STARD13: variants seen among roughly 807,000 people sequenced by gnomAD.
The protein encoded by STARD13 is StAR related lipid transfer domain containing 13.
STARD13 carries 62 observed loss-of-function variants against 106.4 expected under a neutral mutation model. That is an observed-to-expected ratio of 0.58 (90% confidence interval 0.48 to 0.72). The LOEUF (loss-of-function observed/expected upper bound fraction) is 0.72, where lower values mean the gene tolerates loss of function less well. Among genes scored for constraint, STARD13 ranks in the 30% least tolerant of loss-of-function variants. The pLI, the probability that STARD13 is intolerant of heterozygous loss-of-function variation, is 0.00. For synonymous variants in STARD13, 565 were observed against 553.0 expected (o/e 1.02, Z -0.31); for missense variants, 1,387 against 1,424.0 (o/e 0.97, Z 0.42).
chr13:33,306,891 AGT>A (rs1321584633), intron 1 of STARD13, among the ~76,000 whole-genome samples: 1 of 152,186 alleles, frequency 6.6e-6, no homozygotes, highest in African/African-American at 2.4e-5. Flanking sequence ...TGGAGGTTGT[AGT>A]GCGCCAAGAT....
At chr13:33,395,606 C>G in the STARD13 span, among the ~76,000 whole-genome samples, 3 of 152,138 alleles carry the variant, frequency 2.0e-5, no homozygotes, top group African/African-American at 7.2e-5. Flanking sequence ...AAATGAATGA[C>G]AGACCCTTCC....
chr13:33,353,223 C>T (rs1425831733), upstream of STARD13, among the ~76,000 whole-genome samples: 3 of 152,182 alleles, frequency 2.0e-5, no homozygotes, highest in Non-Finnish European at 4.4e-5. Context: ...ACTGCCTCTA[C>T]CCTGTGTCCC....
intron 1 of STARD13, among the ~76,000 whole-genome samples, chr13:33,324,713 T>A (rs981897240): frequency 6.6e-6 from 1 of 152,218 alleles, no homozygotes; most frequent in Admixed American, 6.5e-5. Context: ...ATTTTTAGCA[T>A]TTGTATGTTT....
At chr13:33,283,448 A>G (rs952964833) in intron 1 of STARD13, among the ~76,000 whole-genome samples, 1 of 152,220 alleles carries the variant, frequency 6.6e-6, no homozygotes, top group African/African-American at 2.4e-5. Context: ...AAAATTAACT[A>G]CAATGATTTT....
At chr13:33,445,265 A>G in the STARD13 span, among the ~76,000 whole-genome samples, 3 of 152,150 alleles carry the variant, frequency 2.0e-5, no homozygotes, top group Non-Finnish European at 4.4e-5. Flanking sequence ...AGAGTAAATA[A>G]ATTCTTATGT....
At chr13:33,642,738 G>A in the STARD13 span, among the ~76,000 whole-genome samples, 1 of 151,726 alleles carries the variant, frequency 6.6e-6, no homozygotes, top group East Asian at 1.9e-4. Context: ...AGCCTCTCCT[G>A]CTCTGTCTAT....
At chr13:33,488,250 A>G in the STARD13 span, among the ~76,000 whole-genome samples, 1 of 152,132 alleles carries the variant, frequency 6.6e-6, no homozygotes, top group Non-Finnish European at 1.5e-5. Context: ...ACGATTCCGG[A>G]GCTGCATCCA....
chr13:33,545,587 G>C, the STARD13 span, among the ~76,000 whole-genome samples: 5 of 152,200 alleles, frequency 3.3e-5, no homozygotes, highest in Admixed American at 3.3e-4. Context: ...TTGATCCCCA[G>C]TGTTGGAGGT....
chr13:33,118,083 A>C lies in STARD13; in HGVS notation c.2263T>G (p.Phe755Val). 1 of 1,614,210 alleles carries C rather than the reference A, an allele frequency of 6.2e-7. No homozygotes were observed. Among genetic ancestry groups the C allele is most frequent in the Admixed American group, 1.7e-5 (1 of 60,014 alleles). The change falls in exon 8 of 14, where the codon TTT (phenylalanine) becomes GTT (valine). Residue 755 changes from phenylalanine (F) to valine (V), a missense_variant. Phe to Val is a conservative substitution (Grantham distance 50). Coordinates refer to ENST00000336934, the MANE Select transcript of STARD13 (RefSeq NM_178006.4). ...PLFTNKLSET[F>V]LHIYQYVSKE... is the part of the protein sequence containing the mutation. ...CACTTACACTGATAGATATGGAGAA[A>C]GGTCTCACTGAGCTTGTTGGTGAAA...
intron 1 of STARD13, among the ~76,000 whole-genome samples, chr13:33,293,741 G>A (rs527952124): frequency 7.2e-5 from 11 of 152,290 alleles, no homozygotes; most frequent in African/African-American, 2.6e-4. Flanking sequence ...GCAGAAAAAC[G>A]TGAAAGGAAA....
intron 7 of STARD13, among the ~76,000 whole-genome samples, chr13:33,125,183 A>G (rs192994556): frequency 1.2e-4 from 19 of 152,332 alleles, no homozygotes; most frequent in East Asian, 5.8e-4. Context: ...CACTGAGCCC[A>G]AGGACCAGGG....
the STARD13 span, among the ~76,000 whole-genome samples, chr13:33,532,221 T>A: frequency 3.3e-5 from 5 of 152,218 alleles, no homozygotes; most frequent in African/African-American, 1.2e-4. Flanking sequence ...GCTTGGCACA[T>A]ACTTTTTTCC....
chr13:33,227,415 A>G (rs1045314465), intron 1 of STARD13, among the ~76,000 whole-genome samples: 6 of 152,202 alleles, frequency 3.9e-5, no homozygotes, highest in Admixed American at 3.9e-4. Context: ...TGTAAGTTAA[A>G]TCTAAAAGGA....
At chr13:33,416,826 C>T in the STARD13 span, among the ~76,000 whole-genome samples, 1 of 151,834 alleles carries the variant, frequency 6.6e-6, no homozygotes, top group Non-Finnish European at 1.5e-5. Flanking sequence ...ATATAAGCAA[C>T]AAGATAAAAA....
At chr13:33,370,488 G>C in the STARD13 span, among the ~76,000 whole-genome samples, 1 of 152,020 alleles carries the variant, frequency 6.6e-6, no homozygotes, top group African/African-American at 2.4e-5. Flanking sequence ...GGATTTATTT[G>C]GTGCTTGGTT....
chr13:33,326,530 G>A (rs1435684968), intron 1 of STARD13, among the ~76,000 whole-genome samples: 1 of 152,190 alleles, frequency 6.6e-6, no homozygotes, highest in Non-Finnish European at 1.5e-5. Flanking sequence ...TGTATTCAGA[G>A]CATCTGCTGA....
At chr13:33,546,774 G>A in the STARD13 span, among the ~76,000 whole-genome samples, 1 of 152,008 alleles carries the variant, frequency 6.6e-6, no homozygotes, top group East Asian at 1.9e-4. Flanking sequence ...TTCCTGAGTA[G>A]CTGGGATTAC....
intron 1 of STARD13, among the ~76,000 whole-genome samples, chr13:33,181,304 G>A (rs1347897294): frequency 6.8e-6 from 1 of 147,448 alleles, no homozygotes; most frequent in Non-Finnish European, 1.5e-5. Context: ...ACATATTCAT[G>A]CACATGGATT....
chr13:33,298,134 T>A (rs1248084850), intron 1 of STARD13, among the ~76,000 whole-genome samples: 2 of 129,010 alleles, frequency 1.6e-5, no homozygotes, highest in African/African-American at 2.9e-5. Context: ...TTTTTTTTTT[T>A]TTTTTTTTTT....
Sources: gnomAD v4.1 joint callset for allele counts (sites outside exome capture counted in the v4.1 genomes callset) on GRCh38, gnomAD v4.1.1 for gene constraint, MANE v1.5 for transcripts, NCBI Gene and HGNC (gene_info 2026-07-23, HGNC 2026-07-21) for gene names.